KCNAB2: variants seen among roughly 807,000 people sequenced by gnomAD.
KCNAB2 encodes the protein voltage-gated potassium channel subunit beta-2.
KCNAB2 carries 29 observed loss-of-function variants against 63.6 expected under a neutral mutation model. The ratio of observed to expected loss-of-function variants is 0.46; its 90% CI spans 0.34 to 0.62. KCNAB2 has a LOEUF of 0.62. Among genes scored for constraint, KCNAB2 ranks in the 20% least tolerant of loss-of-function variants. The probability of loss-of-function intolerance (pLI) is 0.01; values close to 1 mark genes in which losing one functional copy is unlikely to be tolerated. For missense variants in KCNAB2, 359 were observed against 563.9 expected, an observed-to-expected ratio of 0.64 and a Z score of 3.68; for synonymous variants, 222 against 224.2, an observed-to-expected ratio of 0.99 and a Z score of 0.09.
At chr1:6,037,344 T>G (rs953531342) in intron 1 of KCNAB2, among the ~76,000 whole-genome samples, 10 of 152,324 alleles carry the variant, frequency 6.6e-5, no homozygotes, top group African/African-American at 1.9e-4. Flanking sequence ...CCAGCCCCCA[T>G]CCCCTTCTGC....
chr1:6,072,023 G>A (rs2100653754), intron 2 of KCNAB2, among the ~76,000 whole-genome samples: 2 of 152,314 alleles, frequency 1.3e-5, no homozygotes, highest in East Asian at 1.9e-4. Flanking sequence ...CTCAGCAGAG[G>A]GCTGCCACCC....
chr1:6,049,309 G>A (rs1661197680), intron 1 of KCNAB2, among the ~76,000 whole-genome samples: 1 of 152,232 alleles, frequency 6.6e-6, no homozygotes, highest in East Asian at 1.9e-4. Flanking sequence ...GCAGGGGGCA[G>A]TGGCAGTGGC....
chr1:5,996,655 A>G lies in KCNAB2; in HGVS notation c.-53+3867A>G, dbSNP rs149783589. Reference sequence around the variant, plus strand: ...CCACAGAGCTAACTGCTTTGACGCCATGCTGGTTGTAGACAAAACAGGATT... The same window carrying G: ...CCACAGAGCTAACTGCTTTGACGCCGTGCTGGTTGTAGACAAAACAGGATT... On this transcript the variant is annotated intron_variant, in intron 1 of 16. Transcript: ENST00000341524. Among the ~76,000 whole-genome samples, 852 of 152,354 alleles carry G rather than the reference A, an allele frequency of 5.6e-3. 9 individuals are homozygous for G. The highest frequency in any genetic ancestry group is 0.019 in the African/African-American group (774 of 41,588).
chr1:6,091,423 T>A, intron 10 of KCNAB2, 116 bp downstream of exon 10: 1 of 785,172 alleles, frequency 1.3e-6, no homozygotes, highest in Non-Finnish European at 2.0e-6. Context: ...ATAAAATGCA[T>A]AAAGAGGGGA....
chr1:6,050,304 G>A (rs1661279091), intron 1 of KCNAB2, among the ~76,000 whole-genome samples: 1 of 152,204 alleles, frequency 6.6e-6, no homozygotes, highest in African/African-American at 2.4e-5. Context: ...TCTCTCTCTG[G>A]TGATGATGCA....
At chr1:6,089,580 C>T (rs962336509) in intron 8 of KCNAB2, among the ~76,000 whole-genome samples, 4 of 152,192 alleles carry the variant, frequency 2.6e-5, no homozygotes, top group Non-Finnish European at 1.5e-5. Context: ...AATCACCTGG[C>T]GGGGCAAGCC....
Position 6,087,602 on chromosome 1 carries a change from G to T in KCNAB2, c.470+91G>T. ...GACCCCTGACCTAGAAGGCTCCTGG[G>T]GTGGCGGGAGGACAGTCCTCCTTGA... On this transcript the variant is annotated intron_variant, in intron 7 of 15. Transcript: ENST00000378083. The surrounding 1 kb of genome is among the most constrained non-coding windows in gnomAD (Gnocchi z 6.4). 1 of 1,359,900 alleles carries T rather than the reference G, an allele frequency of 7.4e-7. No individual in the cohort carries two copies. The highest frequency in any genetic ancestry group is 2.3e-5 in the East Asian group (1 of 43,064). 84.2% of individuals were successfully genotyped at this position (1,359,900 alleles called of 1,614,324 possible). A position where few individuals can be genotyped will look rare whatever the true frequency, so the allele number is the denominator to read the frequency against.
intron 2 of KCNAB2, among the ~76,000 whole-genome samples, chr1:6,059,857 G>A (rs1392587344): frequency 4.6e-5 from 7 of 152,104 alleles, no homozygotes; most frequent in African/African-American, 1.7e-4. Flanking sequence ...TGCAAAGCCG[G>A]TTCCCGGGAA....
chr1:5,999,355 A>ACTC (rs1367294446), intron 1 of KCNAB2, among the ~76,000 whole-genome samples: 7 of 152,036 alleles, frequency 4.6e-5, no homozygotes, highest in African/African-American at 1.7e-4. Context: ...GTCCCTGGTG[A>ACTC]CTCAGATCAG....
chr1:6,072,716 G>A (rs753217573), intron 2 of KCNAB2, 39 bp from the exon 3 acceptor site: 28 of 1,612,078 alleles, frequency 1.7e-5, no homozygotes, highest in Non-Finnish European at 2.3e-5. Context: ...GCAGGGTCCT[G>A]CCTGGGTGCT....
chr1:6,088,705 ATAATAATAAT>A (rs766318172), intron 7 of KCNAB2, among the ~76,000 whole-genome samples: 488 of 48,354 alleles, frequency 0.01, 6 homozygotes, highest in East Asian at 0.087. Flanking sequence ...AATTTAAAAA[ATAATAATAAT>A]AATAATAATA....
Position 6,071,218 on chromosome 1 carries a change from G to C in KCNAB2, c.219-1537G>C, listed in dbSNP as rs939971495. Among the ~76,000 whole-genome samples the C allele has an allele frequency of 8.5e-5, 13 of 152,190 alleles. No homozygotes were observed. Among genetic ancestry groups the C allele is most frequent in the African/African-American group, 3.1e-4 (13 of 41,434 alleles). On this transcript the variant is annotated intron_variant, in intron 2 of 15. Coordinates refer to ENST00000378083, the MANE Select transcript of KCNAB2 (RefSeq NM_001199862.2). The surrounding 1 kb of genome is among the most constrained non-coding windows in gnomAD (Gnocchi z 8.5). ...GGGGCCAGGCTTGGACAGGAAAGAG[G>C]ATAAACTGAGGACATCGCATCCTCC...
rs1380508251 is a variant in KCNAB2, at chr1:5,994,161, TCTC to T, written c.-53+1378_-53+1380del. Among the ~76,000 whole-genome samples, 3 of 152,216 alleles carry T rather than the reference TCTC, an allele frequency of 2.0e-5. No individual in the cohort carries two copies. The highest frequency in any genetic ancestry group is 2.1e-4 in the South Asian group (1 of 4,816). Reference sequence around the variant, plus strand: ...CAGGATTTTTTCTTTCTCTGCAACTTCTCCTCCCCGACAAAAACCCCAGCCTCA... The same window carrying T: ...CAGGATTTTTTCTTTCTCTGCAACTTCTCCCCGACAAAAACCCCAGCCTCA... On this transcript the variant is annotated intron_variant, in intron 1 of 16. Transcript: ENST00000341524. This position sits in a 1 kb window ranked among gnomAD's most constrained non-coding sequence, Gnocchi z 5.4.
chr1:6,054,224 C>CT (rs1407542760), intron 2 of KCNAB2, among the ~76,000 whole-genome samples: 1 of 151,962 alleles, frequency 6.6e-6, no homozygotes, highest in Non-Finnish European at 1.5e-5. Flanking sequence ...GGTCCACAAC[C>CT]CAAGGGACTC....
rs1257115651 is a variant in KCNAB2 at position 6,028,506 on chromosome 1, A to T, written c.-52-12011A>T. 1.3e-5 allele frequency among the ~76,000 whole-genome samples: 2 copies of T among 152,156 alleles called. No homozygotes were observed. The highest frequency in any genetic ancestry group is 2.9e-5 in the Non-Finnish European group (2 of 68,028). On this transcript the variant is annotated intron_variant, in intron 1 of 16. Coordinates refer to the KCNAB2 transcript ENST00000341524. The surrounding 1 kb of genome is among the most constrained non-coding windows in gnomAD (Gnocchi z 4.0). ...TCCTCGCCCCGAGGCCTTCCGGAAG[A>T]CACCCAGGACGTCACACCTAGCCCA... is the stretch of plus-strand genomic sequence containing the variant.
At chr1:6,002,831 T>C (rs1048314377) in intron 1 of KCNAB2, among the ~76,000 whole-genome samples, 4 of 152,176 alleles carry the variant, frequency 2.6e-5, no homozygotes, top group Admixed American at 2.6e-4. Context: ...CACCCGACTC[T>C]GGACGACGCT....
intron 11 of KCNAB2, 29 bp downstream of exon 11, chr1:6,094,514 C>A (rs1275189632): frequency 1.3e-6 from 2 of 1,576,114 alleles, no homozygotes; most frequent in East Asian, 2.3e-5. Flanking sequence ...ATGTGTGTGT[C>A]CAGGCACAGA....
At chr1:6,059,197 GT>G (rs1243768676) in intron 2 of KCNAB2, among the ~76,000 whole-genome samples, 1 of 150,780 alleles carries the variant, frequency 6.6e-6, no homozygotes, top group Non-Finnish European at 1.5e-5. Flanking sequence ...GTTTTTTGTT[GT>G]TTTTTGTGTT....
chr1:6,007,122 C>T (rs544961980), intron 1 of KCNAB2, among the ~76,000 whole-genome samples: 1 of 152,268 alleles, frequency 6.6e-6, no homozygotes, highest in Non-Finnish European at 1.5e-5. Flanking sequence ...GCCATAGAGA[C>T]TCATATCAGC....
Sources: gnomAD v4.1 joint callset for allele counts (sites outside exome capture counted in the v4.1 genomes callset) on GRCh38, gnomAD v4.1.1 for gene constraint, Gnocchi (gnomAD v3.1) non-coding constraint, MANE v1.5 for transcripts, NCBI Gene and HGNC (gene_info 2026-07-23, HGNC 2026-07-21) for gene names.